The following OR2L13 variants were observed in gnomAD, a reference collection of about 807,000 sequenced individuals.
OR2L13 encodes olfactory receptor 2L13.
Under a neutral mutation model 15.3 loss-of-function variants are expected in OR2L13, and 14 were observed. The ratio of observed to expected loss-of-function variants is 0.91; its 90% CI spans 0.60 to 1.43. The LOEUF (loss-of-function observed/expected upper bound fraction) is 1.43. OR2L13 is among the 40% of genes most tolerant of loss of function. The pLI is 0.00. For synonymous variants in OR2L13, 152 were observed against 142.9 expected (o/e 1.06, Z -0.45); for missense variants, 367 against 387.9 (o/e 0.95, Z 0.45).
At chr1:248,011,436 C>T in the OR2L13 span, among the ~76,000 whole-genome samples, 2 of 152,126 alleles carry the variant, frequency 1.3e-5, no homozygotes, top group South Asian at 2.1e-4. Flanking sequence ...TGTAGGGTTG[C>T]TCTTCTCGAG....
the OR2L13 span, among the ~76,000 whole-genome samples, chr1:247,957,213 G>C: frequency 2.1e-3 from 316 of 152,276 alleles, 1 homozygote; most frequent in Admixed American, 2.7e-3. Context: ...ATAGGTTTTT[G>C]TCATTGGTTC....
the OR2L13 span, among the ~76,000 whole-genome samples, chr1:248,001,283 GGAGA>G: frequency 2.6e-5 from 4 of 151,956 alleles, no homozygotes; most frequent in Non-Finnish European, 5.9e-5. Flanking sequence ...GCCAATATGT[GGAGA>G]GAGTCTGTGA....
chr1:248,003,242 C>G, the OR2L13 span: 6 of 1,560,718 alleles, frequency 3.8e-6, no homozygotes, highest in Non-Finnish European at 4.4e-6. Context: ...CCTAATGGCT[C>G]TAATTGGAAA....
At chr1:248,041,757 A>C in the OR2L13 span, 2 of 152,210 alleles carry the variant, frequency 1.3e-5, no homozygotes, top group African/African-American at 4.8e-5. Flanking sequence ...ACACATGAAA[A>C]AATGCTCACC....
At chr1:247,947,393 G>A in the OR2L13 span, among the ~76,000 whole-genome samples, 1 of 152,160 alleles carries the variant, frequency 6.6e-6, no homozygotes, top group Non-Finnish European at 1.5e-5. Flanking sequence ...AAATTCTGGT[G>A]ATCTTTGGCT....
chr1:248,089,352 G>T, the OR2L13 span, among the ~76,000 whole-genome samples: 1 of 151,910 alleles, frequency 6.6e-6, no homozygotes, highest in Non-Finnish European at 1.5e-5. Context: ...TGTCATTATG[G>T]GTTTTATGGT....
chr1:247,975,281 C>A, the OR2L13 span: 14 of 449,470 alleles, frequency 3.1e-5, no homozygotes, highest in South Asian at 2.5e-4. Context: ...GTGACTCTGG[C>A]CTTCGTGGAC....
At chr1:248,003,635 C>G in the OR2L13 span, 2 of 1,611,626 alleles carry the variant, frequency 1.2e-6, no homozygotes, top group Non-Finnish European at 1.7e-6. Context: ...TCCTTATTGC[C>G]CATCTAGGGT....
chr1:248,025,833 G>C, the OR2L13 span, among the ~76,000 whole-genome samples: 1 of 151,678 alleles, frequency 6.6e-6, no homozygotes. Context: ...ATTATTCTCA[G>C]TAAACTATCG....
chr1:248,038,894 T>C, the OR2L13 span: 20 of 1,614,062 alleles, frequency 1.2e-5, no homozygotes, highest in South Asian at 2.0e-4. Flanking sequence ...TTGTGCTTCC[T>C]TTCACTGGTA....
chr1:248,005,028 G>A, the OR2L13 span, among the ~76,000 whole-genome samples: 16 of 152,232 alleles, frequency 1.1e-4, no homozygotes, highest in South Asian at 2.9e-3. Context: ...AGGGTGCAGG[G>A]GAGGGGTGAT....
upstream of OR2L13, among the ~76,000 whole-genome samples, chr1:248,095,606 G>GTTTTTTTTTT (rs1476154907): frequency 9.1e-4 from 6 of 6,628 alleles, no homozygotes; most frequent in Non-Finnish European, 2.0e-3. Context: ...TAAAGCTGCT[G>GTTTTTTTTTT]CTTTTTTTTT....
chr1:247,997,040 C>A, the OR2L13 span: 2 of 152,128 alleles, frequency 1.3e-5, no homozygotes, highest in Admixed American at 6.6e-5. Flanking sequence ...TGATCACAAC[C>A]AGTTACAGGT....
the OR2L13 span, among the ~76,000 whole-genome samples, chr1:248,058,347 C>G: frequency 5.9e-5 from 9 of 152,126 alleles, no homozygotes; most frequent in Non-Finnish European, 8.8e-5. Context: ...ATCCATGATA[C>G]AGACCCCCAT....
At chr1:248,046,782 C>G in the OR2L13 span, 2 of 152,138 alleles carry the variant, frequency 1.3e-5, no homozygotes, top group African/African-American at 4.8e-5. Flanking sequence ...CCAATATACA[C>G]ATTTCTTTAA....
chr1:248,063,793 CGT>C, the OR2L13 span, among the ~76,000 whole-genome samples: 131,299 of 146,576 alleles, frequency 0.9, 59,337 homozygotes, highest in South Asian at 0.98. Flanking sequence ...AAGATGTGTG[CGT>C]GTGTGTGTGT....
At chr1:248,005,666 A>C in the OR2L13 span, among the ~76,000 whole-genome samples, 1 of 152,178 alleles carries the variant, frequency 6.6e-6, no homozygotes, top group South Asian at 2.1e-4. Context: ...ATCCATGAGC[A>C]TTGGATGTTT....
At chr1:248,002,836 C>T in the OR2L13 span, among the ~76,000 whole-genome samples, 2 of 146,198 alleles carry the variant, frequency 1.4e-5, no homozygotes, top group Non-Finnish European at 1.5e-5. Flanking sequence ...CCAGCCTGGG[C>T]GAAGCGAGAC....
the OR2L13 span, among the ~76,000 whole-genome samples, chr1:248,078,468 T>TCA: frequency 0.015 from 2,226 of 149,654 alleles, 52 homozygotes; most frequent in African/African-American, 0.05. Flanking sequence ...CGAGACTCCA[T>TCA]CACACACACA....
Sources: allele counts gnomAD v4.1 joint callset (sites outside exome capture counted in the v4.1 genomes callset), GRCh38; gene constraint gnomAD v4.1.1; transcripts MANE v1.5; gene names NCBI Gene and HGNC (gene_info 2026-07-23, HGNC 2026-07-21).